Variants in DNAH10 observed in about 807,000 individuals in gnomAD.
The protein encoded by DNAH10 is axonemal beta dynein heavy chain 10.
A neutral mutation model predicts 506.6 loss-of-function variants in DNAH10; 348 were observed. The observed-to-expected ratio is 0.69, with a 90% CI of 0.63 to 0.75. The LOEUF (loss-of-function observed/expected upper bound fraction) is 0.75, where lower values mean the gene tolerates loss of function less well. DNAH10 is among the 30% of genes least tolerant of loss of function. The probability of loss-of-function intolerance (pLI) is 0.00; values close to 1 mark genes in which losing one functional copy is unlikely to be tolerated. For synonymous variants in DNAH10, 2,059 were observed against 2,198.6 expected (o/e 0.94, Z 1.78); for missense variants, 5,179 against 5,787.1 (o/e 0.89, Z 3.41).
chr12:123,874,611 C>G (rs1414029805), intron 46 of DNAH10, among the ~76,000 whole-genome samples: 1 of 151,664 alleles, frequency 6.6e-6, no homozygotes, highest in Non-Finnish European at 1.5e-5. Context: ...ATCTACCCAT[C>G]CATCCATCCA....
At chr12:123,795,379 G>T (rs1958240471) in intron 12 of DNAH10, among the ~76,000 whole-genome samples, 1 of 152,080 alleles carries the variant, frequency 6.6e-6, no homozygotes, top group Non-Finnish European at 1.5e-5. Flanking sequence ...TTTGCCACGG[G>T]TGTCCCTGGG....
intron 13 of DNAH10, 70 bp from the exon 14 acceptor site, chr12:123,799,176 A>G: frequency 7.4e-6 from 8 of 1,084,678 alleles, no homozygotes; most frequent in Non-Finnish European, 8.7e-6. Context: ...TGTATAAATT[A>G]TCTGTGTAGA....
intron 72 of DNAH10, 49 bp downstream of exon 72, chr12:123,929,808 C>A: frequency 6.5e-7 from 1 of 1,541,692 alleles, no homozygotes; most frequent in Non-Finnish European, 8.8e-7. Context: ...GGCTACAGAG[C>A]TGTGGCCTCG....
rs188221720 is a variant in DNAH10, at chr12:123,823,524, A to G, written c.4179+2766A>G. Reference sequence around the variant, plus strand: ...GGTGCCTGCACCAGGCAAAAAATTCATAAAGTTAAAAACATACCGTCAGCT... The same window carrying G: ...GGTGCCTGCACCAGGCAAAAAATTCGTAAAGTTAAAAACATACCGTCAGCT... On this transcript the variant is annotated intron_variant, in intron 24 of 78. Transcript: ENST00000673944. Among the ~76,000 whole-genome samples, 153 of 152,374 alleles carry G rather than the reference A, an allele frequency of 1.0e-3. 1 individual carries two copies. The highest frequency in any genetic ancestry group is 3.4e-3 in the Middle Eastern group (1 of 294).
At chr12:123,775,798 G>T (rs888194461) in intron 5 of DNAH10, among the ~76,000 whole-genome samples, 1 of 152,148 alleles carries the variant, frequency 6.6e-6, no homozygotes, top group Non-Finnish European at 1.5e-5. Flanking sequence ...CCATGGAAGA[G>T]CCCAGGTGGA....
chr12:123,854,571 A>G (rs1246827956), intron 36 of DNAH10, among the ~76,000 whole-genome samples: 3 of 152,208 alleles, frequency 2.0e-5, no homozygotes, highest in South Asian at 2.1e-4. Flanking sequence ...CCGAATATCC[A>G]AGGACTTCCG....
In DNAH10 at chr12:123,931,662, G is replaced by C. The variant is rs373336911; in HGVS notation, c.12943G>C (p.Asp4315His). The change falls in exon 75 of 79, where the codon GAT (aspartate) becomes CAT (histidine). Residue 4315 changes from aspartate (D) to histidine (H), a missense_variant. Transcript: ENST00000673944. Reference protein sequence around the residue: ...TGESSSGISRDDYIGQVAKEI... With the variant: ...TGESSSGISRHDYIGQVAKEI... Reference sequence around the variant, plus strand: ...GGAATCCAGCAGTGGTATCAGCCGCGATGATTATATTGGCCAAGTGGCCAA... The same window carrying C: ...GGAATCCAGCAGTGGTATCAGCCGCCATGATTATATTGGCCAAGTGGCCAA... 1.2e-6 allele frequency: 2 copies of C among 1,613,994 alleles called. No homozygotes were observed. The highest frequency in any genetic ancestry group is 3.3e-5 in the Admixed American group (2 of 60,030).
chr12:123,874,876 T>G (rs1952189096), intron 46 of DNAH10, among the ~76,000 whole-genome samples: 1 of 152,000 alleles, frequency 6.6e-6, no homozygotes, highest in African/African-American at 2.4e-5. Flanking sequence ...TGTCTGTCCA[T>G]CTGCCCATCC....
chr12:123,800,171 C>G (rs764813390), intron 14 of DNAH10, 45 bp from the exon 15 acceptor site: 32 of 1,590,288 alleles, frequency 2.0e-5, no homozygotes, highest in Middle Eastern at 1.8e-4. Context: ...ATCCAACTGT[C>G]TCTTGGACTG....
chr12:123,921,489 GC>G (rs1954720204), intron 65 of DNAH10, among the ~76,000 whole-genome samples: 4 of 152,250 alleles, frequency 2.6e-5, no homozygotes, highest in Non-Finnish European at 5.9e-5. Context: ...GGATCTGACG[GC>G]TTGTCAAACA....
Position 123,845,813 on chromosome 12 carries a change from T to C in DNAH10, c.5574T>C (p.Thr1858=). The C allele has an allele frequency of 6.2e-7, 1 of 1,613,986 alleles. No individual in the cohort carries two copies. Among genetic ancestry groups the C allele is most frequent in the South Asian group, 1.1e-5 (1 of 91,082 alleles). The stretch of plus-strand genomic sequence containing the variant: ...AAAACGACAGGAAAAAATACAACAC[T>C]GTTCTCATCATTGATGTGCATGCCA... The part of the protein sequence containing the change: ...LSKNDRKKYN[T]VLIIDVHARD... The change falls in exon 31 of 79, where the codon ACT becomes ACC. Residue 1858 remains threonine, a synonymous_variant. Transcript: ENST00000673944.
chr12:123,910,801 C>A, intron 59 of DNAH10, 129 bp downstream of exon 59: 1 of 1,226,070 alleles, frequency 8.2e-7, no homozygotes, highest in Non-Finnish European at 1.1e-6. Flanking sequence ...AACTTTCCCT[C>A]CACCACCCAA....
At chr12:123,802,230 C>G (rs1182422538) in intron 16 of DNAH10, among the ~76,000 whole-genome samples, 2 of 152,218 alleles carry the variant, frequency 1.3e-5, no homozygotes, top group East Asian at 3.8e-4. Context: ...TGACAGGAGT[C>G]TTCACTTTTT....
rs1005134190 is a variant in DNAH10 at position 123,877,790 on chromosome 12, G to A, written c.8254G>A (p.Ala2752Thr). The change falls in exon 48 of 79, where the codon GCA becomes ACA. Residue 2752 changes from alanine (A) to threonine (T), a missense_variant. Physicochemically the swap from Ala to Thr is moderately conservative, Grantham distance 58 (BLOSUM62 0). This residue lies in a region of DNAH10 where 4,844 missense variants were observed against 5,430.5 expected (regional missense o/e 0.89). Coordinates refer to ENST00000673944, the MANE Select transcript of DNAH10 (RefSeq NM_001372106.1). Reference sequence around the variant, plus strand: ...TGGCAAGCTGACATTCTGCACGCTAGCACTTTACAAAAATATTGTGCAAGA... The same window carrying A: ...TGGCAAGCTGACATTCTGCACGCTAACACTTTACAAAAATATTGTGCAAGA... ...VSGKLTFCTL[A>T]LYKNIVQDLP... is the part of the protein sequence containing the mutation. The A allele has an allele frequency of 1.2e-6, 2 of 1,613,786 alleles. No homozygotes were observed. Among genetic ancestry groups the A allele is most frequent in the Non-Finnish European group, 8.5e-7 (1 of 1,179,890 alleles).
At position 123,848,029 on chromosome 12, in the gene DNAH10, G is replaced by C; in HGVS notation, c.5883G>C (p.Lys1961Asn). 1 of 1,614,022 alleles carries C rather than the reference G, an allele frequency of 6.2e-7. No individual in the cohort carries two copies. Among genetic ancestry groups the C allele is most frequent in the South Asian group, 1.1e-5 (1 of 91,078 alleles). Reference protein sequence around the residue: ...PAGTGKTETTKDLAKALGLLC... With the variant: ...PAGTGKTETTNDLAKALGLLC... ...GAACCGGCAAAACCGAGACCACCAA[G>C]GACCTGGCGAAAGCCTTGGGCTTGC... Residue 1961 changes from lysine (K) to asparagine (N), a missense_variant, in exon 33 of 79, where the codon AAG becomes AAC. Around this residue, in one of 3 missense-constraint regions of DNAH10, gnomAD observed 4,844 missense variants for 5,430.5 expected, o/e 0.89. Transcript: ENST00000673944.
At chr12:123,797,984 A>C (rs1958343188) in intron 13 of DNAH10, among the ~76,000 whole-genome samples, 2 of 152,264 alleles carry the variant, frequency 1.3e-5, no homozygotes, top group Admixed American at 1.3e-4. Context: ...CGTTTTGAAC[A>C]GGCGTGGCTG....
At position 123,928,097 on chromosome 12, in the gene DNAH10, C is replaced by A; in HGVS notation, c.12106-290C>A. 1.9e-6 allele frequency: 1 copy of A among 533,222 alleles called. No homozygotes were observed. The highest frequency in any genetic ancestry group is 1.9e-5 in the African/African-American group (1 of 52,768). The allele number at this position is 533,222 out of a possible 1,614,324, so 33.0% of individuals were successfully genotyped here. On this transcript the variant is annotated intron_variant, in intron 69 of 78. Coordinates refer to ENST00000673944, the MANE Select transcript of DNAH10 (RefSeq NM_001372106.1). This position sits in a 1 kb window ranked among gnomAD's most constrained non-coding sequence, Gnocchi z 4.9. ...CTCAGGAGTCCTCAGGGGACAGGAG[C>A]GACTGTGTGGGAGGAGCTGGGACTT...
At chr12:123,795,625 A>G (rs1243605869) in intron 12 of DNAH10, among the ~76,000 whole-genome samples, 1 of 152,228 alleles carries the variant, frequency 6.6e-6, no homozygotes, top group African/African-American at 2.4e-5. Flanking sequence ...TATCTATTTT[A>G]AGATCAGCTG....
chr12:123,806,056 G>T (rs1406967866), intron 18 of DNAH10, among the ~76,000 whole-genome samples: 1 of 152,252 alleles, frequency 6.6e-6, no homozygotes, highest in Admixed American at 6.5e-5. Flanking sequence ...GATTACAGGC[G>T]TGAGCCACTG....
Sources: gnomAD v4.1 joint callset for allele counts (sites outside exome capture counted in the v4.1 genomes callset) on GRCh38, gnomAD v4.1.1 for gene constraint, gnomAD v4.1.1 regional missense constraint, Gnocchi (gnomAD v3.1) non-coding constraint, MANE v1.5 for transcripts, NCBI Gene and HGNC (gene_info 2026-07-23, HGNC 2026-07-21) for gene names.